Variants in CIROZ observed in about 807,000 individuals in gnomAD.
CIROZ encodes ciliated left-right organizer protein containing ZP-N domains, also known as ciliated left-right organizer ZP-N domains-containing protein.
At chr1:10,964,415 C>T in the CIROZ span, 13 of 1,027,684 alleles carry the variant, frequency 1.3e-5, no homozygotes, top group East Asian at 2.7e-4. Flanking sequence ...GGATGGGAAA[C>T]GAGACCAAGG....
At chr1:10,963,421 C>T in the CIROZ span, among the ~76,000 whole-genome samples, 3 of 151,902 alleles carry the variant, frequency 2.0e-5, no homozygotes, top group Non-Finnish European at 1.5e-5. Flanking sequence ...ACAAAAAAAC[C>T]CAGCTGACTA....
chr1:10,970,402 T>G, the CIROZ span, among the ~76,000 whole-genome samples: 1 of 151,750 alleles, frequency 6.6e-6, no homozygotes, highest in African/African-American at 2.4e-5. Context: ...CCGAGGCGGG[T>G]GGATCACTTG....
At chr1:10,970,714 C>T in the CIROZ span, among the ~76,000 whole-genome samples, 1 of 152,110 alleles carries the variant, frequency 6.6e-6, no homozygotes, top group Non-Finnish European at 1.5e-5. Flanking sequence ...GCCTGAGATT[C>T]AGCAGTTCTA....
the CIROZ span, chr1:10,957,509 G>A: frequency 7.4e-6 from 11 of 1,492,298 alleles, no homozygotes; most frequent in African/African-American, 2.8e-5. Flanking sequence ...GTCCAGTCTC[G>A]CAGGTGGACA....
the CIROZ span, among the ~76,000 whole-genome samples, chr1:10,974,167 G>A: frequency 1.3e-5 from 2 of 152,092 alleles, no homozygotes; most frequent in Admixed American, 6.5e-5. The surrounding 1 kb of genome is among the most constrained non-coding windows in gnomAD (Gnocchi z 4.4). Flanking sequence ...GCTGCGGGCC[G>A]GGCTGCCAGT....
chr1:10,964,516 G>A, the CIROZ span, among the ~76,000 whole-genome samples: 1 of 152,200 alleles, frequency 6.6e-6, no homozygotes, highest in East Asian at 1.9e-4. Context: ...GGGATTTGGG[G>A]AAGGTCAAAC....
the CIROZ span, chr1:10,957,468 G>A: frequency 2.5e-6 from 3 of 1,205,216 alleles, no homozygotes; most frequent in Non-Finnish European, 3.4e-6. Flanking sequence ...CGCTAATGGG[G>A]CCCAATTTTC....
At chr1:10,959,063 C>T in the CIROZ span, among the ~76,000 whole-genome samples, 1 of 152,224 alleles carries the variant, frequency 6.6e-6, no homozygotes, top group African/African-American at 2.4e-5. The surrounding 1 kb of genome is among the most constrained non-coding windows in gnomAD (Gnocchi z 4.3). Context: ...TCACGGCCCA[C>T]TTCCATTGGG....
the CIROZ span, chr1:10,955,044 C>G: frequency 6.2e-7 from 1 of 1,613,564 alleles, no homozygotes; most frequent in South Asian, 1.1e-5. Context: ...AGTCCTTGTT[C>G]TCAGTCACCA....
the CIROZ span, among the ~76,000 whole-genome samples, chr1:10,970,320 G>A: frequency 6.6e-6 from 1 of 151,754 alleles, no homozygotes; most frequent in Non-Finnish European, 1.5e-5. Flanking sequence ...GAACTTGTTG[G>A]GGAGGTCCTC....
the CIROZ span, chr1:10,964,159 T>G: frequency 6.2e-7 from 1 of 1,614,114 alleles, no homozygotes; most frequent in Non-Finnish European, 8.5e-7. Flanking sequence ...GTGGACGCTT[T>G]CCTGGCCCAG....
the CIROZ span, among the ~76,000 whole-genome samples, chr1:10,960,172 G>C: frequency 6.6e-6 from 1 of 152,106 alleles, no homozygotes. The surrounding 1 kb of genome is among the most constrained non-coding windows in gnomAD (Gnocchi z 4.6). Context: ...TGGATCACCT[G>C]AGCTCAGGAG....
chr1:10,948,623 G>T, the CIROZ span: 3 of 1,613,954 alleles, frequency 1.9e-6, no homozygotes, highest in Non-Finnish European at 2.5e-6. Context: ...TCAGAGCCGG[G>T]TGCGTTGGCA....
At chr1:10,982,028 A>T in the CIROZ span, 1 of 1,537,028 alleles carries the variant, frequency 6.5e-7, no homozygotes, top group Non-Finnish European at 8.7e-7. Flanking sequence ...AGTGCTGGGG[A>T]CCCCCACATC....
At chr1:10,951,056 G>A in the CIROZ span, among the ~76,000 whole-genome samples, 1 of 152,072 alleles carries the variant, frequency 6.6e-6, no homozygotes, top group Non-Finnish European at 1.5e-5. Context: ...CAGGCCCTGG[G>A]TGTTCTTATC....
the CIROZ span, among the ~76,000 whole-genome samples, chr1:10,964,757 A>G: frequency 6.6e-6 from 1 of 152,092 alleles, no homozygotes; most frequent in African/African-American, 2.4e-5. Context: ...CAGCCTCCCA[A>G]GTAGCTGGAA....
the CIROZ span, among the ~76,000 whole-genome samples, chr1:10,950,386 G>A: frequency 5.8e-4 from 89 of 152,246 alleles, no homozygotes; most frequent in African/African-American, 2.0e-3. Context: ...GGGGCACCTG[G>A]CCCTGACTCC....
At chr1:10,949,463 G>T in the CIROZ span, 1 of 845,888 alleles carries the variant, frequency 1.2e-6, no homozygotes, top group Non-Finnish European at 1.8e-6. Context: ...GAAATATTCT[G>T]AATTTGAGGA....
At chr1:10,955,287 C>G in the CIROZ span, 1 of 1,090,206 alleles carries the variant, frequency 9.2e-7, no homozygotes, top group East Asian at 2.4e-5. Flanking sequence ...CACCTGTGGC[C>G]GGCACAGCAC....
Sources: gnomAD v4.1 joint callset for allele counts (sites outside exome capture counted in the v4.1 genomes callset) on GRCh38, gnomAD v4.1.1 for gene constraint, Gnocchi (gnomAD v3.1) non-coding constraint, MANE v1.5 for transcripts, NCBI Gene and HGNC (gene_info 2026-07-23, HGNC 2026-07-21) for gene names.